Variants in PTPN4 observed in about 807,000 individuals in gnomAD.
PTPN4 encodes the protein protein tyrosine phosphatase non-receptor type 4.
Under a neutral mutation model 135.5 loss-of-function variants are expected in PTPN4, and 49 were observed. That is an observed-to-expected ratio of 0.36 (90% CI 0.29 to 0.46). PTPN4 has a LOEUF of 0.46. Among genes scored for constraint, PTPN4 ranks in the 20% least tolerant of loss-of-function variants. The pLI is 1.00. For missense variants in PTPN4, 860 were observed against 1,101.0 expected, an observed-to-expected ratio of 0.78 and a Z score of 3.10; for synonymous variants, 333 against 369.9, an observed-to-expected ratio of 0.90 and a Z score of 1.14.
At chr2:119,881,857 T>C in intron 6 of PTPN4, 27 bp downstream of exon 6, 1 of 1,469,972 alleles carries the variant, frequency 6.8e-7, no homozygotes, top group Non-Finnish European at 9.4e-7. Flanking sequence ...TCTTAAAAAA[T>C]TTTTTGTAAT....
chr2:119,844,744 G>T (rs1245931187), intron 2 of PTPN4, among the ~76,000 whole-genome samples: 1 of 145,246 alleles, frequency 6.9e-6, no homozygotes, highest in Non-Finnish European at 1.5e-5. Context: ...TGGCGGCCGG[G>T]CGGAGACGCT....
intron 5 of PTPN4, 41 bp from the exon 6 acceptor site, chr2:119,881,745 A>G (rs777032383): frequency 2.2e-5 from 30 of 1,361,808 alleles, no homozygotes; most frequent in Middle Eastern, 3.9e-4. Context: ...AATTGTTACA[A>G]TTCTATTAAA....
intron 1 of PTPN4, among the ~76,000 whole-genome samples, chr2:119,784,372 C>T (rs1691004895): frequency 6.9e-6 from 1 of 145,548 alleles, no homozygotes; most frequent in Non-Finnish European, 1.5e-5. Flanking sequence ...TGCACACCAC[C>T]ATGCCCACCT....
At chr2:119,827,985 A>T (rs182524511) in intron 2 of PTPN4, among the ~76,000 whole-genome samples, 3 of 152,066 alleles carry the variant, frequency 2.0e-5, no homozygotes, top group African/African-American at 7.2e-5. Context: ...CTTCTAAGTG[A>T]CTCACTTTTA....
intron 10 of PTPN4, 48 bp from the exon 11 acceptor site, chr2:119,915,131 T>A: frequency 7.1e-7 from 1 of 1,401,104 alleles, no homozygotes; most frequent in Non-Finnish European, 9.6e-7. Flanking sequence ...TTTGTTAATA[T>A]TTTTATCATT....
chr2:119,826,764 G>A (rs559761803), intron 2 of PTPN4, among the ~76,000 whole-genome samples: 2 of 152,282 alleles, frequency 1.3e-5, no homozygotes, highest in Non-Finnish European at 2.9e-5. Context: ...GGTTGCTCAC[G>A]CTTGTAATCC....
intron 1 of PTPN4, among the ~76,000 whole-genome samples, chr2:119,798,565 C>T (rs1051106995): frequency 1.3e-4 from 20 of 152,072 alleles, no homozygotes; most frequent in Admixed American, 1.0e-3. Context: ...CATATTTTTT[C>T]CCAAAGAGAG....
chr2:119,889,401 CAG>C (rs1678208441), intron 9 of PTPN4, among the ~76,000 whole-genome samples: 1 of 152,066 alleles, frequency 6.6e-6, no homozygotes, highest in Non-Finnish European at 1.5e-5. Flanking sequence ...GCCTGGGCGA[CAG>C]AGAGAGACTC....
intron 1 of PTPN4, among the ~76,000 whole-genome samples, chr2:119,794,863 CAA>C (rs1439168186): frequency 3.3e-5 from 5 of 152,094 alleles, no homozygotes; most frequent in Admixed American, 6.6e-5. Flanking sequence ...GTAAGCAAGA[CAA>C]AGAGGAGCTT....
chr2:119,794,150 A>AT lies in PTPN4; in HGVS notation c.-17-15678dup, dbSNP rs905640897. The stretch of plus-strand genomic sequence containing the variant: ...GGTTTGAGTCGCTGCACCTGGCCAG[A>AT]TTTTTTTTTAACAGCTTTGTTGAGG... On this transcript the variant is annotated intron_variant, in intron 1 of 26. Transcript: ENST00000263708. 4.6e-5 allele frequency among the ~76,000 whole-genome samples: 7 copies of AT among 151,136 alleles called. No homozygotes were observed. The South Asian group carries it at 6.3e-4, about 14-fold the overall frequency.
chr2:119,769,800 A>G (rs1690701700), intron 1 of PTPN4, among the ~76,000 whole-genome samples: 1 of 152,246 alleles, frequency 6.6e-6, no homozygotes, highest in South Asian at 2.1e-4. Context: ...TATCAAAAAA[A>G]TGCCCTGAGT....
At chr2:119,968,568 G>A (rs1027707695) in intron 26 of PTPN4, among the ~76,000 whole-genome samples, 1 of 152,172 alleles carries the variant, frequency 6.6e-6, no homozygotes, top group Non-Finnish European at 1.5e-5. Context: ...GAGGCGGGCG[G>A]ATCACGAGGT....
chr2:119,936,533 A>C (rs1347952004), intron 15 of PTPN4, among the ~76,000 whole-genome samples: 2 of 152,024 alleles, frequency 1.3e-5, no homozygotes, highest in Non-Finnish European at 2.9e-5. Flanking sequence ...CCCTGCATGC[A>C]CTCATTTTCT....
intron 1 of PTPN4, among the ~76,000 whole-genome samples, chr2:119,793,817 A>G (rs1196657890): frequency 7.4e-6 from 1 of 136,014 alleles, no homozygotes; most frequent in Non-Finnish European, 1.6e-5. Flanking sequence ...TGGTTTGACC[A>G]TATAGTTTGT....
At chr2:119,827,131 T>C (rs1042518673) in intron 2 of PTPN4, among the ~76,000 whole-genome samples, 1 of 152,246 alleles carries the variant, frequency 6.6e-6, no homozygotes, top group African/African-American at 2.4e-5. Context: ...CGTACCCCTA[T>C]ACATACACAT....
chr2:119,962,560 G>T lies in PTPN4; in HGVS notation c.2281-56G>T, dbSNP rs1679381986. 4.0e-6 allele frequency: 4 copies of T among 1,004,916 alleles called. No homozygotes were observed. The South Asian group carries it at 1.2e-4, about 30-fold the overall frequency. The allele number at this position is 1,004,916 out of a possible 1,614,324, so 62.2% of individuals were successfully genotyped here. On this transcript the variant is annotated intron_variant, in intron 23 of 26. Transcript: ENST00000263708. ...TAAAAAAACATTTTTAAAAATTGGA[G>T]AACATGAATCCATATGTATATAATT...
intron 3 of PTPN4, among the ~76,000 whole-genome samples, chr2:119,868,933 G>A (rs774197485): frequency 2.2e-4 from 34 of 151,982 alleles, no homozygotes; most frequent in Non-Finnish European, 4.1e-4. Flanking sequence ...GCACCACTGG[G>A]TTAGGGTCTC....
At chr2:119,828,533 A>G (rs1677176775) in intron 2 of PTPN4, among the ~76,000 whole-genome samples, 1 of 152,190 alleles carries the variant, frequency 6.6e-6, no homozygotes, top group Non-Finnish European at 1.5e-5. Context: ...CAATACATAT[A>G]TTGGTGAATA....
At chr2:119,867,159 A>G (rs1188727129) in intron 3 of PTPN4, among the ~76,000 whole-genome samples, 4 of 152,192 alleles carry the variant, frequency 2.6e-5, no homozygotes, top group African/African-American at 9.6e-5. Context: ...ACATGATATC[A>G]TGAAAAGCCT....
Sources: allele counts gnomAD v4.1 joint callset (sites outside exome capture counted in the v4.1 genomes callset), GRCh38; gene constraint gnomAD v4.1.1; transcripts MANE v1.5; gene names NCBI Gene and HGNC (gene_info 2026-07-23, HGNC 2026-07-21).